The following CSMD1 variants were observed in gnomAD, a reference collection of about 807,000 sequenced individuals.
The protein encoded by CSMD1 is CUB and sushi domain-containing protein 1.
Under a neutral mutation model 417.5 loss-of-function variants are expected in CSMD1, and 213 were observed. The ratio of observed to expected loss-of-function variants is 0.51; its 90% CI spans 0.46 to 0.57. The LOEUF (loss-of-function observed/expected upper bound fraction) is 0.57, where lower values mean the gene tolerates loss of function less well. CSMD1 is among the 20% of genes least tolerant of loss of function. The probability of loss-of-function intolerance (pLI) is 0.00; values close to 1 mark genes in which losing one functional copy is unlikely to be tolerated. For synonymous variants in CSMD1, 2,862 were observed against 1,736.8 expected (o/e 1.65, Z -16.11); for missense variants, 6,923 against 4,529.7 (o/e 1.53, Z -15.17).
chr8:3,864,044 G>A (rs760414792), intron 5 of CSMD1, among the ~76,000 whole-genome samples: 1 of 152,098 alleles, frequency 6.6e-6, no homozygotes, highest in South Asian at 2.1e-4. Flanking sequence ...TCTTAGTGAA[G>A]ATGAATGTGA....
rs1435219755 is a variant in CSMD1 at position 4,727,539 on chromosome 8, A to G, written c.86-89981T>C. Among the ~76,000 whole-genome samples the G allele has an allele frequency of 5.9e-5, 9 of 152,294 alleles. No individual in the cohort carries two copies. In the East Asian group the frequency reaches 1.7e-3, roughly 29 times the overall value. On this transcript the variant is annotated intron_variant, in intron 1 of 69. Coordinates refer to ENST00000635120, the MANE Select transcript of CSMD1 (RefSeq NM_033225.6). ...TAATGCCTTCTGGGTGTGTTTTGCA[A>G]AGAAAAATGGTGCAGAACTCCACTA...
intron 3 of CSMD1, among the ~76,000 whole-genome samples, chr8:4,361,854 C>G (rs973012086): frequency 2.0e-5 from 3 of 152,074 alleles, no homozygotes; most frequent in African/African-American, 4.8e-5. Context: ...ATTTGGGAGG[C>G]TAAGGCAGAA....
At chr8:4,556,620 A>G (rs1286806478) in intron 2 of CSMD1, among the ~76,000 whole-genome samples, 1 of 152,210 alleles carries the variant, frequency 6.6e-6, no homozygotes, top group South Asian at 2.1e-4. Context: ...AATCCTGTTC[A>G]TTTTTTCCCA....
intron 2 of CSMD1, among the ~76,000 whole-genome samples, chr8:4,611,189 G>A (rs1030063372): frequency 1.3e-5 from 2 of 152,080 alleles, no homozygotes; most frequent in African/African-American, 2.4e-5. Context: ...ACATCTGGGC[G>A]AGTGTATACA....
At chr8:4,096,757 T>C (rs1245904990) in intron 3 of CSMD1, among the ~76,000 whole-genome samples, 1 of 152,166 alleles carries the variant, frequency 6.6e-6, no homozygotes, top group Non-Finnish European at 1.5e-5. Context: ...ATGAGTTTTT[T>C]CCCTGCAATT....
At chr8:4,934,007 T>TAAA (rs1004757937) in intron 1 of CSMD1, among the ~76,000 whole-genome samples, 33 of 150,726 alleles carry the variant, frequency 2.2e-4, no homozygotes, top group African/African-American at 8.0e-4. Context: ...GCTTTTTTTT[T>TAAA]AAAAAAAAAT....
At chr8:4,542,013 G>C (rs898862604) in intron 2 of CSMD1, among the ~76,000 whole-genome samples, 1 of 152,112 alleles carries the variant, frequency 6.6e-6, no homozygotes, top group Admixed American at 6.5e-5. Context: ...ACACTCTGTT[G>C]CCAATTGAAG....
intron 1 of CSMD1, among the ~76,000 whole-genome samples, chr8:4,972,271 G>C (rs1265004808): frequency 2.0e-5 from 3 of 146,884 alleles, no homozygotes; most frequent in Non-Finnish European, 4.4e-5. Context: ...ATATTGTTTT[G>C]CTCTGTCACC....
At chr8:3,222,171 G>A (rs1235399155) in intron 28 of CSMD1, among the ~76,000 whole-genome samples, 1 of 152,134 alleles carries the variant, frequency 6.6e-6, no homozygotes, top group Non-Finnish European at 1.5e-5. Context: ...GAGAGGCTTA[G>A]AGATTATCTG....
intron 3 of CSMD1, among the ~76,000 whole-genome samples, chr8:4,336,311 T>G (rs944866021): frequency 1.3e-5 from 2 of 152,138 alleles, no homozygotes; most frequent in Non-Finnish European, 2.9e-5. Flanking sequence ...CCACGTAGCC[T>G]CTGTAGAAAG....
chr8:3,245,690 AT>A (rs1799835769), intron 26 of CSMD1, among the ~76,000 whole-genome samples: 1 of 152,046 alleles, frequency 6.6e-6, no homozygotes, highest in Non-Finnish European at 1.5e-5. Flanking sequence ...TACAAAGTTT[AT>A]TTTTTCTTCA....
At chr8:2,993,007 A>G (rs1248074160) in intron 54 of CSMD1, among the ~76,000 whole-genome samples, 1 of 152,208 alleles carries the variant, frequency 6.6e-6, no homozygotes, top group African/African-American at 2.4e-5. Context: ...TGCTGGGACT[A>G]AAAGCATGAG....
chr8:4,126,794 T>A (rs1397467132), intron 3 of CSMD1, among the ~76,000 whole-genome samples: 1 of 152,206 alleles, frequency 6.6e-6, no homozygotes, highest in Non-Finnish European at 1.5e-5. Context: ...CACTTCATTC[T>A]GGAGATGTGT....
chr8:2,975,681 A>T (rs1196027520), intron 55 of CSMD1, among the ~76,000 whole-genome samples: 1 of 152,226 alleles, frequency 6.6e-6, no homozygotes, highest in African/African-American at 2.4e-5. Context: ...GGTGAAATAA[A>T]ATTTATATCT....
chr8:4,245,017 C>T (rs1490716616), intron 3 of CSMD1, among the ~76,000 whole-genome samples: 1 of 152,144 alleles, frequency 6.6e-6, no homozygotes, highest in African/African-American at 2.4e-5. Flanking sequence ...GAATCACATA[C>T]ACATTTAAAC....
intron 3 of CSMD1, among the ~76,000 whole-genome samples, chr8:4,278,106 T>C (rs1310443016): frequency 6.6e-6 from 1 of 152,182 alleles, no homozygotes; most frequent in Non-Finnish European, 1.5e-5. Context: ...TCCTTTATGG[T>C]TCTCTTTCTC....
At chr8:3,152,333 T>A (rs923083424) in intron 39 of CSMD1, among the ~76,000 whole-genome samples, 1 of 152,242 alleles carries the variant, frequency 6.6e-6, no homozygotes. Flanking sequence ...TGATCATTTG[T>A]AGCCTATTAA....
intron 68 of CSMD1, among the ~76,000 whole-genome samples, chr8:2,947,151 T>G (rs554032224): frequency 6.6e-6 from 1 of 152,354 alleles, no homozygotes; most frequent in African/African-American, 2.4e-5. Flanking sequence ...TTTATGTATT[T>G]TCTCTCATTC....
intron 1 of CSMD1, among the ~76,000 whole-genome samples, chr8:4,916,615 G>T (rs186269335): frequency 6.6e-6 from 1 of 152,236 alleles, no homozygotes; most frequent in East Asian, 1.9e-4. Flanking sequence ...TCCTACTTGG[G>T]GAAACTCTGT....
Sources: gnomAD v4.1 joint callset for allele counts (sites outside exome capture counted in the v4.1 genomes callset) on GRCh38, gnomAD v4.1.1 for gene constraint, MANE v1.5 for transcripts, NCBI Gene and HGNC (gene_info 2026-07-23, HGNC 2026-07-21) for gene names.